Variants in SLC7A8 observed in about 807,000 individuals in gnomAD.
The protein encoded by SLC7A8 is large neutral amino acids transporter small subunit 2.
A neutral mutation model predicts 51.2 loss-of-function variants in SLC7A8; 30 were observed. That is an observed-to-expected ratio of 0.59 (90% confidence interval 0.44 to 0.80). SLC7A8 has a LOEUF of 0.80. Ranked by LOEUF, SLC7A8 falls within the 30% of genes least tolerant of loss-of-function variation. The pLI, the probability that SLC7A8 is intolerant of heterozygous loss-of-function variation, is 0.00. For synonymous variants in SLC7A8, 257 were observed against 275.8 expected (o/e 0.93, Z 0.67); for missense variants, 612 against 674.4 (o/e 0.91, Z 1.03).
chr14:23,140,466 C>G lies in SLC7A8; in HGVS notation c.788+5G>C. 1 of 1,591,278 alleles carries G rather than the reference C, an allele frequency of 6.3e-7. No individual in the cohort carries two copies. The highest frequency in any genetic ancestry group is 8.6e-7 in the Non-Finnish European group (1 of 1,162,706). On this transcript the variant is annotated splice_donor_5th_base_variant and intron_variant, in intron 5 of 10. Coordinates refer to ENST00000316902, the MANE Select transcript of SLC7A8 (RefSeq NM_012244.4). Reference sequence around the variant, plus strand: ...AGAGGGAATAGCCAGGCTCTTTCAACTCACTTGTAGGGATCAACAAGCTCC... The same window carrying G: ...AGAGGGAATAGCCAGGCTCTTTCAAGTCACTTGTAGGGATCAACAAGCTCC...
chr14:23,126,397 G>GA lies in SLC7A8; in HGVS notation c.*779dup, dbSNP rs145546499. ...AGTTGCTGAGCAGCTTCGTCATTAG[G>GA]AGAGAGATGCCCACTACCTTAAAAA... On this transcript the variant is annotated 3_prime_UTR_variant, in exon 11 of 11. Transcript: ENST00000316902. 0.091 allele frequency: 13,959 copies of GA among 153,022 alleles called. 760 individuals carry two copies. The highest frequency in any genetic ancestry group is 0.14 in the African/African-American group (5,907 of 41,490). 9.5% of individuals were successfully genotyped at this position (153,022 alleles called of 1,614,324 possible).
chr14:23,166,914 A>C (rs924704576), intron 1 of SLC7A8, among the ~76,000 whole-genome samples: 5 of 152,174 alleles, frequency 3.3e-5, no homozygotes, highest in African/African-American at 1.2e-4. Context: ...AGGACCCTCC[A>C]GCTGAGCGAC....
Position 23,133,306 on chromosome 14 carries a change from T to C in SLC7A8, c.1017-1749A>G, listed in dbSNP as rs566814608. 1.0e-3 allele frequency among the ~76,000 whole-genome samples: 158 copies of C among 151,992 alleles called. 4 individuals are homozygous for C. Among genetic ancestry groups the C allele is most frequent in the Admixed American group, 0.01 (157 of 15,278 alleles). Reference sequence around the variant, plus strand: ...TAAAAATAAAATTAGCCAGGTGTGGTGGCATGTGCCTGTTGTTCTAATTAC... The same window carrying C: ...TAAAAATAAAATTAGCCAGGTGTGGCGGCATGTGCCTGTTGTTCTAATTAC... On this transcript the variant is annotated intron_variant, in intron 7 of 10. Transcript: ENST00000316902.
intron 1 of SLC7A8, among the ~76,000 whole-genome samples, chr14:23,178,885 C>CAAAAA (rs386380884): frequency 1.5e-4 from 12 of 78,696 alleles, no homozygotes; most frequent in African/African-American, 5.8e-4. Context: ...ATCTTGTCTC[C>CAAAAA]AAAAAAAAAA....
At chr14:23,160,311 G>C (rs917652968) in intron 3 of SLC7A8, among the ~76,000 whole-genome samples, 6 of 152,126 alleles carry the variant, frequency 3.9e-5, no homozygotes, top group African/African-American at 1.4e-4. Flanking sequence ...GTGGCTCACA[G>C]CTGTAATCCC....
At chr14:23,131,378 G>A in intron 8 of SLC7A8, 83 bp downstream of exon 8, 2 of 1,145,064 alleles carry the variant, frequency 1.7e-6, no homozygotes, top group Non-Finnish European at 1.2e-6. Context: ...ACAGGGGTGT[G>A]TGTGAAAAGC....
At chr14:23,179,978 T>G (rs1877093408) in intron 1 of SLC7A8, among the ~76,000 whole-genome samples, 1 of 150,390 alleles carries the variant, frequency 6.6e-6, no homozygotes, top group African/African-American at 2.5e-5. Flanking sequence ...CAACCTTGGC[T>G]CACTGCAACC....
At chr14:23,133,026 T>G (rs2048654299) in intron 7 of SLC7A8, among the ~76,000 whole-genome samples, 1 of 152,158 alleles carries the variant, frequency 6.6e-6, no homozygotes, top group African/African-American at 2.4e-5. Flanking sequence ...TCCTCCCACC[T>G]CGGGCTCCCA....
chr14:23,155,844 T>C (rs1472833359), intron 3 of SLC7A8, among the ~76,000 whole-genome samples: 1 of 152,010 alleles, frequency 6.6e-6, no homozygotes, highest in African/African-American at 2.4e-5. Context: ...TGAGGTTTAG[T>C]TGGTTCTTGG....
intron 3 of SLC7A8, chr14:23,155,016 AAAAT>A: frequency 1.5e-5 from 9 of 612,074 alleles, no homozygotes; most frequent in South Asian, 8.2e-5. Flanking sequence ...AAAAAAAAAA[AAAAT>A]CAAAGCAGCC....
At chr14:23,133,913 GA>G (rs1054353338) in intron 7 of SLC7A8, among the ~76,000 whole-genome samples, 1 of 151,590 alleles carries the variant, frequency 6.6e-6, no homozygotes, top group Non-Finnish European at 1.5e-5. Context: ...AACATCAAAT[GA>G]AAAAACAGGA....
chr14:23,157,096 G>A (rs2048898110), intron 3 of SLC7A8, among the ~76,000 whole-genome samples: 1 of 152,216 alleles, frequency 6.6e-6, no homozygotes, highest in Admixed American at 6.5e-5. Context: ...GGGTGACAAG[G>A]ACAGAGGGGT....
chr14:23,180,964 T>C (rs902272784), intron 1 of SLC7A8, among the ~76,000 whole-genome samples: 3 of 152,054 alleles, frequency 2.0e-5, no homozygotes, highest in Non-Finnish European at 4.4e-5. Flanking sequence ...GAGGCGGAGC[T>C]TGCAGTGAGC....
intron 3 of SLC7A8, chr14:23,155,605 G>A (rs1189047109): frequency 1.2e-5 from 9 of 740,694 alleles, no homozygotes; most frequent in Non-Finnish European, 1.6e-5. Context: ...AAGAAATCCA[G>A]GGTGGCCTGC....
At position 23,139,405 on chromosome 14, in the gene SLC7A8, T is replaced by C. The variant is rs911291960; in HGVS notation, c.912+19A>G. The C allele has an allele frequency of 4.3e-6, 7 of 1,613,628 alleles. No individual in the cohort carries two copies. The highest frequency in any genetic ancestry group is 4.2e-6 in the Non-Finnish European group (5 of 1,179,748). On this transcript the variant is annotated intron_variant, in intron 6 of 10. Transcript: ENST00000316902. The stretch of plus-strand genomic sequence containing the variant: ...TGTCTGCATTCCTGGTATGAGACTC[T>C]GGGACTTTCATTTCTTACCACAGCG...
At chr14:23,182,724 G>A (rs1877234518) in intron 1 of SLC7A8, 40 bp downstream of exon 1, 1 of 1,515,620 alleles carries the variant, frequency 6.6e-7, no homozygotes, top group Non-Finnish European at 8.8e-7. Flanking sequence ...AGGACCACCA[G>A]AGGGGAGAGG....
chr14:23,158,512 A>C (rs1303452064), intron 3 of SLC7A8, among the ~76,000 whole-genome samples: 1 of 151,796 alleles, frequency 6.6e-6, no homozygotes, highest in Non-Finnish European at 1.5e-5. Context: ...CGCCCAGCTA[A>C]TTTTTGTATT....
Position 23,127,133 on chromosome 14 carries a change from A to C in SLC7A8, c.*44T>G. 1 of 1,610,526 alleles carries C rather than the reference A, an allele frequency of 6.2e-7. No homozygotes were observed. The highest frequency in any genetic ancestry group is 1.1e-5 in the South Asian group (1 of 90,890). ...GGCAGGACCAAGGCAGGGAGGTAGG[A>C]TAAAAGGGGGAGGAAGGAGAGAGTA... On this transcript the variant is annotated 3_prime_UTR_variant, in exon 11 of 11. Coordinates refer to ENST00000316902, the MANE Select transcript of SLC7A8 (RefSeq NM_012244.4).
intron 1 of SLC7A8, among the ~76,000 whole-genome samples, chr14:23,181,135 A>G (rs185192755): frequency 6.6e-6 from 1 of 151,914 alleles, no homozygotes; most frequent in Admixed American, 6.6e-5. Flanking sequence ...ATCTGTGTAT[A>G]AGTCAGAACC....
Sources: allele counts gnomAD v4.1 joint callset (sites outside exome capture counted in the v4.1 genomes callset), GRCh38; gene constraint gnomAD v4.1.1; transcripts MANE v1.5; gene names NCBI Gene and HGNC (gene_info 2026-07-23, HGNC 2026-07-21).